FGF4: variants seen among roughly 807,000 people sequenced by gnomAD.
The protein encoded by FGF4 is heparin secretory transforming protein 1.
Under a neutral mutation model 15.7 loss-of-function variants are expected in FGF4, and 9 were observed. The observed-to-expected ratio is 0.57, with a 90% CI of 0.35 to 1.00. The LOEUF is 1.00. FGF4 is among the 50% of genes least tolerant of loss of function. FGF4 has a pLI of 0.02. For synonymous variants in FGF4, 164 were observed against 144.8 expected (o/e 1.13, Z -0.95); for missense variants, 286 against 297.3 (o/e 0.96, Z 0.28).
At position 69,774,776 on chromosome 11, in the gene FGF4, G is replaced by A; in HGVS notation, c.309C>T (p.Arg103=). ...GGGTGTCCGCGTGCGCGCCGCCGATGCGGCCGTCGGGGAGCGCCTGGAGGT... is the reference window on the plus strand; with the variant it reads ...GGGTGTCCGCGTGCGCGCCGCCGATACGGCCGTCGGGGAGCGCCTGGAGGT... ...GFHLQALPDG[R]IGGAHADTRD... is the part of the protein sequence containing the mutation. The change falls in exon 1 of 3, where the codon CGC becomes CGT. Residue 103 remains arginine, a synonymous_variant. Coordinates refer to ENST00000168712, the MANE Select transcript of FGF4 (RefSeq NM_002007.4). 2 of 1,512,906 alleles carry A rather than the reference G, an allele frequency of 1.3e-6. No homozygotes were observed. 93.7% of individuals were successfully genotyped at this position (1,512,906 alleles called of 1,614,324 possible). A position where few individuals can be genotyped will look rare whatever the true frequency, so the allele number is the denominator to read the frequency against.
chr11:69,772,137 G>A lies in FGF4; in HGVS notation c.*1172C>T, dbSNP rs907103521. Reference sequence around the variant, plus strand: ...TGACAAGGTTCGAATGGGACGCACCGACGCTATCTGCAATCCTTTTTGGCT... The same window carrying A: ...TGACAAGGTTCGAATGGGACGCACCAACGCTATCTGCAATCCTTTTTGGCT... On this transcript the variant is annotated 3_prime_UTR_variant, in exon 3 of 3. Coordinates refer to ENST00000168712, the MANE Select transcript of FGF4 (RefSeq NM_002007.4). The A allele has an allele frequency of 2.6e-5, 4 of 152,172 alleles. No homozygotes were observed. The highest frequency in any genetic ancestry group is 4.4e-5 in the Non-Finnish European group (3 of 68,040). 9.4% of individuals were successfully genotyped at this position (152,172 alleles called of 1,614,324 possible). A position where few individuals can be genotyped will look rare whatever the true frequency, so the allele number is the denominator to read the frequency against.
rs1451244545 is a variant in FGF4, at chr11:69,774,730, G to T, written c.340+15C>A. ...CCCCCGCCCCCGCCCCTTCGCGCCT[G>T]GCCGCGCCACTCACTGTCGCGGGTG... is the stretch of plus-strand genomic sequence containing the variant. On this transcript the variant is annotated intron_variant, in intron 1 of 2. Transcript: ENST00000168712. 8 of 1,443,438 alleles carry T rather than the reference G, an allele frequency of 5.5e-6. No individual in the cohort carries two copies. Among genetic ancestry groups the T allele is most frequent in the Non-Finnish European group, 6.3e-6 (7 of 1,107,520 alleles). 89.4% of individuals were successfully genotyped at this position (1,443,438 alleles called of 1,614,324 possible). A position where few individuals can be genotyped will look rare whatever the true frequency, so the allele number is the denominator to read the frequency against.
chr11:69,774,256 G>A (rs1233420173), intron 1 of FGF4, 129 bp from the exon 2 acceptor site: 3 of 756,056 alleles, frequency 4.0e-6, no homozygotes, highest in Non-Finnish European at 6.4e-6. Context: ...TCCCGGCGCA[G>A]CCGCCCCCAA....
rs539419605 is a variant in FGF4 at position 69,774,098 on chromosome 11, C to T, written c.370G>A (p.Gly124Ser). Residue 124 changes from glycine (G) to serine (S), a missense_variant, in exon 2 of 3, where the codon GGC becomes AGC. Transcript: ENST00000168712. ...SLLELSPVER[G>S]VVSIFGVASR... Reference sequence around the variant, plus strand: ...GCCACGCCGAAGATGCTCACCACGCCCCGCTCCACGGGCGAGAGCTCCAGC... The same window carrying T: ...GCCACGCCGAAGATGCTCACCACGCTCCGCTCCACGGGCGAGAGCTCCAGC... 6.2e-7 allele frequency: 1 copy of T among 1,612,788 alleles called. No homozygotes were observed. Among genetic ancestry groups the T allele is most frequent in the African/African-American group, 1.3e-5 (1 of 75,064 alleles).
At chr11:69,773,690 T>A (rs1024034666) in intron 2 of FGF4, among the ~76,000 whole-genome samples, 2 of 151,934 alleles carry the variant, frequency 1.3e-5, no homozygotes, top group African/African-American at 4.8e-5. Flanking sequence ...CCACCTGCCC[T>A]GCACCTAGCA....
rs1168697786 is a variant in FGF4, at chr11:69,775,004, C to T, written c.81G>A (p.Gly27=). 5.5e-6 allele frequency: 8 copies of T among 1,447,872 alleles called. No individual in the cohort carries two copies. The highest frequency in any genetic ancestry group is 1.4e-5 in the South Asian group (1 of 74,042). The allele number at this position is 1,447,872 out of a possible 1,614,324, so 89.7% of individuals were successfully genotyped here. The change falls in exon 1 of 3, where the codon GGG becomes GGA. Residue 27 remains glycine (G), a synonymous_variant. Coordinates refer to ENST00000168712, the MANE Select transcript of FGF4 (RefSeq NM_002007.4). ...LALLAPWAGR[G]GAAAPTAPNG... ...TGGGTGCAGTGGGTGCGGCGGCGCC[C>T]CCTCGGCCCGCCCAGGGCGCCAGCA...
At chr11:69,774,422 G>A (rs1377695613) in intron 1 of FGF4, among the ~76,000 whole-genome samples, 1 of 152,170 alleles carries the variant, frequency 6.6e-6, no homozygotes, top group African/African-American at 2.4e-5. Flanking sequence ...GCCTGGGCCA[G>A]GCCGGGGCGC....
chr11:69,773,890 T>C (rs1027055489), intron 2 of FGF4, 134 bp downstream of exon 2: 8 of 684,044 alleles, frequency 1.2e-5, no homozygotes, highest in Non-Finnish European at 2.0e-5. Flanking sequence ...TGGGGAGGCC[T>C]GCCGGTCCCG....
At position 69,775,166 on chromosome 11, in the gene FGF4, C is replaced by G. The variant is rs946599903; in HGVS notation, c.-82G>C. The G allele has an allele frequency of 9.4e-6, 9 of 957,924 alleles. No homozygotes were observed. Among genetic ancestry groups the G allele is most frequent in the Non-Finnish European group, 1.2e-5 (9 of 735,078 alleles). 59.3% of individuals were successfully genotyped at this position (957,924 alleles called of 1,614,324 possible). ...GCAGAGCTGCGCCTGTGGCGTCCCG[C>G]GGGAGCGCACGGCCGACCTCGGGCA... is the stretch of plus-strand genomic sequence containing the variant. On this transcript the variant is annotated 5_prime_UTR_variant, in exon 1 of 3. Transcript: ENST00000168712.
chr11:69,774,249 CG>C, intron 1 of FGF4, 122 bp from the exon 2 acceptor site: 1 of 782,508 alleles, frequency 1.3e-6, no homozygotes, highest in South Asian at 1.7e-5. Context: ...CCAGGGTTCC[CG>C]GCGCAGCCGC....
Position 69,772,535 on chromosome 11 carries a change from C to T in FGF4, c.*774G>A, listed in dbSNP as rs886844259. On this transcript the variant is annotated 3_prime_UTR_variant, in exon 3 of 3. Transcript: ENST00000168712. ...GGTTTTGTTTGTGATTGCAAATACA[C>T]TATCTTGTCCATTTCTAGCCTTCCA... The T allele has an allele frequency of 6.6e-6, 1 of 152,234 alleles. No homozygotes were observed. 9.4% of individuals were successfully genotyped at this position (152,234 alleles called of 1,614,324 possible). A position where few individuals can be genotyped will look rare whatever the true frequency, so the allele number is the denominator to read the frequency against.
At position 69,772,675 on chromosome 11, in the gene FGF4, T is replaced by C. The variant is rs1218710628; in HGVS notation, c.*634A>G. Reference sequence around the variant, plus strand: ...AAAAGGCAAACAGGAGTTTATAAAGTTGTCCAAGGGTCTCTCCCATCTGGT... The same window carrying C: ...AAAAGGCAAACAGGAGTTTATAAAGCTGTCCAAGGGTCTCTCCCATCTGGT... On this transcript the variant is annotated 3_prime_UTR_variant, in exon 3 of 3. Coordinates refer to ENST00000168712, the MANE Select transcript of FGF4 (RefSeq NM_002007.4). The C allele has an allele frequency of 2.0e-5, 3 of 152,408 alleles. No individual in the cohort carries two copies. The highest frequency in any genetic ancestry group is 7.2e-5 in the African/African-American group (3 of 41,458). The allele number at this position is 152,408 out of a possible 1,614,324, so 9.4% of individuals were successfully genotyped here.
chr11:69,774,059 C>T lies in FGF4; in HGVS notation c.409G>A (p.Val137Met), dbSNP rs1449019505. The T allele has an allele frequency of 2.5e-6, 4 of 1,613,206 alleles. No homozygotes were observed. Among genetic ancestry groups the T allele is most frequent in the Non-Finnish European group, 3.4e-6 (4 of 1,179,958 alleles). ...SIFGVASRFF[V>M]AMSSKGKLYG... ...AGCTTGCCCTTGCTGCTCATGGCCACGAAGAACCGGCTGGCCACGCCGAAG... is the reference window on the plus strand; with the variant it reads ...AGCTTGCCCTTGCTGCTCATGGCCATGAAGAACCGGCTGGCCACGCCGAAG... The change falls in exon 2 of 3, where the codon GTG becomes ATG. Residue 137 changes from valine to methionine, a missense_variant. By Grantham distance (21) the Val-to-Met change is conservative. Transcript: ENST00000168712.
At position 69,773,379 on chromosome 11, in the gene FGF4, T is replaced by C. The variant is rs1192709955; in HGVS notation, c.551A>G (p.Asn184Ser). ...TCGGTTCCCCTTCTTGGTCTTCCCA[T>C]TCTTGCTCAGGGCGATGAACATGCC... The part of the protein sequence containing the change: ...YPGMFIALSK[N>S]GKTKKGNRVS... The change falls in exon 3 of 3, where the codon AAT becomes AGT. Residue 184 changes from asparagine (N) to serine (S), a missense_variant. By Grantham distance (46) the Asn-to-Ser change is conservative. Coordinates refer to ENST00000168712, the MANE Select transcript of FGF4 (RefSeq NM_002007.4). 6.2e-7 allele frequency: 1 copy of C among 1,614,188 alleles called. No individual in the cohort carries two copies. The highest frequency in any genetic ancestry group is 8.5e-7 in the Non-Finnish European group (1 of 1,180,020).
At chr11:69,773,508 C>T in intron 2 of FGF4, 23 bp from the exon 3 acceptor site, 2 of 1,613,554 alleles carry the variant, frequency 1.2e-6, no homozygotes, top group Non-Finnish European at 1.7e-6. Context: ...AGGGCAGTGT[C>T]AGGGCTGGGG....
chr11:69,774,648 A>C, intron 1 of FGF4, 97 bp downstream of exon 1: 5 of 940,484 alleles, frequency 5.3e-6, no homozygotes, highest in Non-Finnish European at 5.7e-6. Flanking sequence ...GCCCCCGAGC[A>C]GGTGCCCGCC....
chr11:69,774,971 C>G lies in FGF4; in HGVS notation c.114G>C (p.Thr38=), dbSNP rs1283096577. ...GAAAPTAPNG[T]LEAELERRWE... ...AGCGGCGCTCCAGCTCGGCCTCCAG[C>G]GTGCCGTTGGGTGCAGTGGGTGCGG... Residue 38 remains threonine (T), a synonymous_variant, in exon 1 of 3, where the codon ACG becomes ACC. Coordinates refer to ENST00000168712, the MANE Select transcript of FGF4 (RefSeq NM_002007.4). 11 of 1,475,626 alleles carry G rather than the reference C, an allele frequency of 7.5e-6. No individual in the cohort carries two copies. The highest frequency in any genetic ancestry group is 8.9e-6 in the Non-Finnish European group (10 of 1,121,306). The allele number at this position is 1,475,626 out of a possible 1,614,324, so 91.4% of individuals were successfully genotyped here. A position where few individuals can be genotyped will look rare whatever the true frequency, so the allele number is the denominator to read the frequency against.
Position 69,774,971 on chromosome 11 carries a change from C to A in FGF4, c.114G>T (p.Thr38=). ...AGCGGCGCTCCAGCTCGGCCTCCAG[C>A]GTGCCGTTGGGTGCAGTGGGTGCGG... ...GAAAPTAPNG[T]LEAELERRWE... Residue 38 remains threonine (T), a synonymous_variant, in exon 1 of 3, where the codon ACG becomes ACT. Coordinates refer to ENST00000168712, the MANE Select transcript of FGF4 (RefSeq NM_002007.4). The A allele has an allele frequency of 6.8e-7, 1 of 1,475,732 alleles. No individual in the cohort carries two copies. The highest frequency in any genetic ancestry group is 1.3e-5 in the South Asian group (1 of 78,006). The allele number at this position is 1,475,732 out of a possible 1,614,324, so 91.4% of individuals were successfully genotyped here.
At position 69,771,284 on chromosome 11, in the gene FGF4, A is replaced by G. The variant is rs1855565166; in HGVS notation, c.*2025T>C. On this transcript the variant is annotated 3_prime_UTR_variant, in exon 3 of 3. Transcript: ENST00000168712. Reference sequence around the variant, plus strand: ...ACAGTTGTGTTCCTACAGGCATCACACATGATTTGTTGAAGAAATATCTAT... The same window carrying G: ...ACAGTTGTGTTCCTACAGGCATCACGCATGATTTGTTGAAGAAATATCTAT... The G allele has an allele frequency of 6.6e-6, 1 of 152,238 alleles. No individual in the cohort carries two copies. Among genetic ancestry groups the G allele is most frequent in the Non-Finnish European group, 1.5e-5 (1 of 68,046 alleles). 9.4% of individuals were successfully genotyped at this position (152,238 alleles called of 1,614,324 possible). A position where few individuals can be genotyped will look rare whatever the true frequency, so the allele number is the denominator to read the frequency against.
Sources: allele counts gnomAD v4.1 joint callset (sites outside exome capture counted in the v4.1 genomes callset), GRCh38; gene constraint gnomAD v4.1.1; transcripts MANE v1.5; gene names NCBI Gene and HGNC (gene_info 2026-07-23, HGNC 2026-07-21).